The following RNGTT variants were observed in gnomAD, a reference collection of about 807,000 sequenced individuals.
RNGTT encodes the protein mRNA-capping enzyme.
Under a neutral mutation model 79.3 loss-of-function variants are expected in RNGTT, and 33 were observed. That is an observed-to-expected ratio of 0.42 (90% CI 0.32 to 0.56). The LOEUF (loss-of-function observed/expected upper bound fraction) is 0.56. Ranked by LOEUF, RNGTT falls within the 20% of genes least tolerant of loss-of-function variation. RNGTT has a pLI of 0.17. For missense variants in RNGTT, 497 were observed against 739.1 expected, an observed-to-expected ratio of 0.67 and a Z score of 3.80; for synonymous variants, 222 against 235.9, an observed-to-expected ratio of 0.94 and a Z score of 0.54.
chr6:88,955,296 A>G (rs909396530), intron 1 of RNGTT, among the ~76,000 whole-genome samples: 3 of 152,060 alleles, frequency 2.0e-5, no homozygotes, highest in Non-Finnish European at 4.4e-5. Context: ...CATGCCTGCA[A>G]TCCTAGCACT....
chr6:88,635,861 C>A (rs140975821), intron 14 of RNGTT, among the ~76,000 whole-genome samples: 1 of 151,876 alleles, frequency 6.6e-6, no homozygotes, highest in Non-Finnish European at 1.5e-5. Flanking sequence ...TAAACTAGAT[C>A]AAACTTGTAA....
At position 88,651,510 on chromosome 6, in the gene RNGTT, TTTAAAAG is replaced by T. The variant is rs1280760400; in HGVS notation, c.1506+26836_1506+26842del. On this transcript the variant is annotated intron_variant, in intron 14 of 15. Coordinates refer to ENST00000369485, the MANE Select transcript of RNGTT (RefSeq NM_003800.5). ...TTTTCTATTTGATAAAAGCACTAAC[TTTAAAAG>T]TTAAAAACATAATTATTCATGTTTT... 2.0e-5 allele frequency among the ~76,000 whole-genome samples: 3 copies of T among 152,210 alleles called. No individual in the cohort carries two copies. The East Asian group carries it at 5.8e-4, about 29-fold the overall frequency.
intron 11 of RNGTT, among the ~76,000 whole-genome samples, chr6:88,804,751 A>G (rs1054010239): frequency 6.6e-6 from 1 of 151,164 alleles, no homozygotes; most frequent in African/African-American, 2.4e-5. Context: ...TGTTACGGCC[A>G]TCTTCCATAT....
chr6:88,941,396 TAGCTAGGATTACAGGTGTGTACCA>T (rs1784843165), intron 1 of RNGTT, among the ~76,000 whole-genome samples: 1 of 152,096 alleles, frequency 6.6e-6, no homozygotes, highest in Non-Finnish European at 1.5e-5. Context: ...GTCTCCCAAG[TAGCTAGGATTACAGGTGTGTACCA>T]CCAAGCCCAG....
chr6:88,937,066 G>A lies in RNGTT; in HGVS notation c.174+4005C>T, dbSNP rs145295401. Among the ~76,000 whole-genome samples, 9 of 152,276 alleles carry A rather than the reference G, an allele frequency of 5.9e-5. No individual in the cohort carries two copies. The East Asian group carries it at 1.7e-3, about 29-fold the overall frequency. Reference sequence around the variant, plus strand: ...GTTCATAATAGTCTTTGATGGGCCAGGCACGGTGGCTCACGCCTGTAATCC... The same window carrying A: ...GTTCATAATAGTCTTTGATGGGCCAAGCACGGTGGCTCACGCCTGTAATCC... On this transcript the variant is annotated intron_variant, in intron 2 of 15. Transcript: ENST00000369485.
rs1253208367 is a variant in RNGTT, at chr6:88,609,965, CAG to C, written c.*2752_*2753del. ...TTTAAATGCATTAAAAATAATGTAA[CAG>C]AATATCTACTCATACAGTAGACTGC... On this transcript the variant is annotated 3_prime_UTR_variant, in exon 16 of 16. Transcript: ENST00000369485. Among the ~76,000 whole-genome samples, 1 of 152,138 alleles carries C rather than the reference CAG, an allele frequency of 6.6e-6. No individual in the cohort carries two copies. The highest frequency in any genetic ancestry group is 1.5e-5 in the Non-Finnish European group (1 of 68,016).
At chr6:88,632,778 G>A (rs1273853291) in intron 14 of RNGTT, among the ~76,000 whole-genome samples, 1 of 152,132 alleles carries the variant, frequency 6.6e-6, no homozygotes, top group African/African-American at 2.4e-5. Flanking sequence ...CAACTAGCAT[G>A]GAAGTTAATT....
chr6:88,714,034 C>T lies in RNGTT; in HGVS notation c.1440-35615G>A, dbSNP rs551844391. On this transcript the variant is annotated intron_variant, in intron 13 of 15. Transcript: ENST00000369485. Reference sequence around the variant, plus strand: ...TGTTGTTCCACTTCCAATCTCAATGCACTGAATGCTCTTGGATAAGTCATA... The same window carrying T: ...TGTTGTTCCACTTCCAATCTCAATGTACTGAATGCTCTTGGATAAGTCATA... Among the ~76,000 whole-genome samples, 139 of 152,212 alleles carry T rather than the reference C, an allele frequency of 9.1e-4. 1 individual carries two copies. Among genetic ancestry groups the T allele is most frequent in the African/African-American group, 3.2e-3 (135 of 41,542 alleles).
At chr6:88,726,823 G>T (rs1313507168) in intron 13 of RNGTT, among the ~76,000 whole-genome samples, 28 of 152,134 alleles carry the variant, frequency 1.8e-4, no homozygotes, top group Non-Finnish European at 5.9e-5. Flanking sequence ...TAAAAGCAAA[G>T]AATAATTGAA....
intron 13 of RNGTT, among the ~76,000 whole-genome samples, chr6:88,720,827 C>G (rs1005286459): frequency 1.3e-5 from 2 of 151,980 alleles, no homozygotes; most frequent in Admixed American, 6.6e-5. Context: ...GGTTAAGGCA[C>G]GTTCTAGCTG....
chr6:88,795,842 A>G (rs1241991322), intron 12 of RNGTT, among the ~76,000 whole-genome samples: 1 of 152,158 alleles, frequency 6.6e-6, no homozygotes, highest in Admixed American at 6.5e-5. Context: ...GGAGTGTAGG[A>G]GCCTGCCTAT....
chr6:88,745,101 G>A (rs2127827380), intron 13 of RNGTT, among the ~76,000 whole-genome samples: 2 of 152,208 alleles, frequency 1.3e-5, no homozygotes, highest in South Asian at 4.1e-4. Flanking sequence ...AGTTTGAGGA[G>A]AAACAGAATA....
chr6:88,806,295 C>T lies in RNGTT; in HGVS notation c.1270-4663G>A, dbSNP rs140423096. Among the ~76,000 whole-genome samples the T allele has an allele frequency of 8.1e-4, 121 of 149,972 alleles. 1 individual carries two copies. In the East Asian group the frequency reaches 0.022, roughly 27 times the overall value. ...TACAAAAAACAACAGATGCTGGCAA[C>T]GTTGTCGAGAAAAAGGAACACGCTT... On this transcript the variant is annotated intron_variant, in intron 11 of 15. Transcript: ENST00000369485.
intron 12 of RNGTT, among the ~76,000 whole-genome samples, chr6:88,777,520 C>T (rs1778928369): frequency 6.6e-6 from 1 of 152,092 alleles, no homozygotes; most frequent in Non-Finnish European, 1.5e-5. Context: ...CAATTTCTTC[C>T]ATCTTGGTTA....
intron 1 of RNGTT, among the ~76,000 whole-genome samples, chr6:88,959,343 A>C (rs72911642): frequency 0.042 from 6,355 of 152,236 alleles, 194 homozygotes; most frequent in African/African-American, 0.078. Context: ...TCCCCCAAAA[A>C]CTACTGAAAT....
chr6:88,858,547 T>C (rs1188583111), intron 8 of RNGTT, among the ~76,000 whole-genome samples: 1 of 152,208 alleles, frequency 6.6e-6, no homozygotes. Flanking sequence ...GCAATTACTA[T>C]GTTCTGAAGA....
intron 2 of RNGTT, among the ~76,000 whole-genome samples, chr6:88,929,889 T>C (rs1316711118): frequency 2.7e-5 from 4 of 150,888 alleles, no homozygotes; most frequent in East Asian, 1.9e-4. Context: ...TACACACATA[T>C]ATACATATGT....
chr6:88,870,454 T>C (rs1782317250), intron 8 of RNGTT, among the ~76,000 whole-genome samples: 1 of 150,540 alleles, frequency 6.6e-6, no homozygotes, highest in Admixed American at 6.6e-5. Flanking sequence ...ATAAAAGAGC[T>C]ACATTCCAAC....
chr6:88,741,774 G>A (rs567891686), intron 13 of RNGTT, among the ~76,000 whole-genome samples: 14 of 152,200 alleles, frequency 9.2e-5, no homozygotes, highest in East Asian at 3.9e-4. Context: ...GGTTATATGT[G>A]GGTAATGGGT....
Sources: allele counts gnomAD v4.1 joint callset (sites outside exome capture counted in the v4.1 genomes callset), GRCh38; gene constraint gnomAD v4.1.1; transcripts MANE v1.5; gene names NCBI Gene and HGNC (gene_info 2026-07-23, HGNC 2026-07-21).